Variants in RAB3C observed in about 807,000 individuals in gnomAD.
The protein encoded by RAB3C is ras-related protein Rab-3C.
Under a neutral mutation model 26.4 loss-of-function variants are expected in RAB3C, and 17 were observed. The ratio of observed to expected loss-of-function variants is 0.64; its 90% CI spans 0.44 to 0.97. The LOEUF is 0.97. RAB3C is among the 50% of genes least tolerant of loss of function. The pLI is 0.00. For missense variants in RAB3C, 242 were observed against 281.9 expected (o/e 0.86, Z 1.01); for synonymous variants, 91 against 95.9 (o/e 0.95, Z 0.30).
At chr5:58,738,196 A>C (rs1469738308) in intron 3 of RAB3C, among the ~76,000 whole-genome samples, 1 of 151,926 alleles carries the variant, frequency 6.6e-6, no homozygotes, top group Non-Finnish European at 1.5e-5. Context: ...TCATACCTTC[A>C]TTTGCTGCAC....
At chr5:58,738,519 G>C (rs565317992) in intron 3 of RAB3C, among the ~76,000 whole-genome samples, 14 of 147,530 alleles carry the variant, frequency 9.5e-5, no homozygotes, top group African/African-American at 3.2e-4. Context: ...AGAGAATAGA[G>C]AGAGACACTT....
intron 1 of RAB3C, among the ~76,000 whole-genome samples, chr5:58,597,324 ATT>A: frequency 0.17 from 3 of 18 alleles, no homozygotes; most frequent in African/African-American, 0.5. Context: ...CACAATATAT[ATT>A]ATATAATCAT....
chr5:58,849,242 G>T (rs80031960), intron 4 of RAB3C, among the ~76,000 whole-genome samples: 4,151 of 152,260 alleles, frequency 0.027, 198 homozygotes, highest in African/African-American at 0.095. Context: ...TTGTAAATGA[G>T]ACCTTTGTAC....
At chr5:58,726,903 C>A (rs1197397978) in intron 3 of RAB3C, among the ~76,000 whole-genome samples, 2 of 151,900 alleles carry the variant, frequency 1.3e-5, no homozygotes, top group Non-Finnish European at 2.9e-5. Flanking sequence ...GTCATGAGCT[C>A]AAGCACAGGG....
intron 2 of RAB3C, among the ~76,000 whole-genome samples, chr5:58,703,219 G>A (rs1694706784): frequency 6.6e-6 from 1 of 151,994 alleles, no homozygotes; most frequent in Admixed American, 6.6e-5. Flanking sequence ...TTTCGTTCTT[G>A]TTGCCCAGGC....
chr5:58,738,184 A>G (rs778419310), intron 3 of RAB3C, among the ~76,000 whole-genome samples: 2 of 151,720 alleles, frequency 1.3e-5, no homozygotes, highest in Non-Finnish European at 2.9e-5. Flanking sequence ...TTTTTTTCCC[A>G]CTCATACCTT....
chr5:58,764,112 G>A (rs1161635888), intron 3 of RAB3C, among the ~76,000 whole-genome samples: 1 of 152,120 alleles, frequency 6.6e-6, no homozygotes, highest in Non-Finnish European at 1.5e-5. Flanking sequence ...ATATCTTTTT[G>A]TGGAACTCAA....
At chr5:58,768,558 A>C (rs1329357153) in intron 3 of RAB3C, among the ~76,000 whole-genome samples, 1 of 152,040 alleles carries the variant, frequency 6.6e-6, no homozygotes, top group South Asian at 2.1e-4. Flanking sequence ...CAGCCCAAGG[A>C]CTATTTTAGA....
At chr5:58,757,641 A>G (rs1288218402) in intron 3 of RAB3C, among the ~76,000 whole-genome samples, 1 of 152,200 alleles carries the variant, frequency 6.6e-6, no homozygotes. Context: ...TTAATCAGCC[A>G]TACAAGTGTT....
At chr5:58,723,675 A>G (rs1272082782) in intron 2 of RAB3C, among the ~76,000 whole-genome samples, 2 of 151,788 alleles carry the variant, frequency 1.3e-5, no homozygotes, top group African/African-American at 4.8e-5. Flanking sequence ...TAGTGACCTT[A>G]TGAGACGTTA....
chr5:58,690,336 T>G (rs1298620082), intron 2 of RAB3C, among the ~76,000 whole-genome samples: 1 of 152,176 alleles, frequency 6.6e-6, no homozygotes, highest in Non-Finnish European at 1.5e-5. Context: ...GTTTTAGGCT[T>G]AAAATATTTT....
chr5:58,740,233 GT>G (rs1293056866), intron 3 of RAB3C, among the ~76,000 whole-genome samples: 1 of 152,202 alleles, frequency 6.6e-6, no homozygotes, highest in Non-Finnish European at 1.5e-5. Flanking sequence ...GTTTTGGGCT[GT>G]TGGCAGCATC....
At chr5:58,842,537 C>A (rs1162247185) in intron 4 of RAB3C, among the ~76,000 whole-genome samples, 1 of 152,126 alleles carries the variant, frequency 6.6e-6, no homozygotes, top group Non-Finnish European at 1.5e-5. Flanking sequence ...TGGTACTATG[C>A]CCTATTGTCT....
At chr5:58,757,602 C>T (rs1322814285) in intron 3 of RAB3C, among the ~76,000 whole-genome samples, 2 of 152,248 alleles carry the variant, frequency 1.3e-5, no homozygotes, top group Non-Finnish European at 2.9e-5. Context: ...CACATCACGT[C>T]CATCTGTCCT....
intron 1 of RAB3C, among the ~76,000 whole-genome samples, chr5:58,616,516 G>C (rs1746828383): frequency 6.6e-6 from 1 of 152,070 alleles, no homozygotes; most frequent in African/African-American, 2.4e-5. Flanking sequence ...TATCATTTTT[G>C]ATAGATGTTA....
intron 3 of RAB3C, among the ~76,000 whole-genome samples, chr5:58,738,074 G>T (rs1315293833): frequency 6.6e-6 from 1 of 152,148 alleles, no homozygotes; most frequent in Non-Finnish European, 1.5e-5. Context: ...TGAAAAGAAC[G>T]AAAGATGCCA....
At chr5:58,610,906 C>A (rs1183374206) in intron 1 of RAB3C, among the ~76,000 whole-genome samples, 2 of 152,100 alleles carry the variant, frequency 1.3e-5, no homozygotes, top group Non-Finnish European at 2.9e-5. Context: ...CCCTCCTCCC[C>A]ACCCTTCACT....
At chr5:58,835,299 T>G (rs2112072350) in intron 4 of RAB3C, among the ~76,000 whole-genome samples, 1 of 152,294 alleles carries the variant, frequency 6.6e-6, no homozygotes, top group Admixed American at 6.5e-5. Context: ...TCCACTAATC[T>G]AGGTGTTCTT....
At position 58,660,547 on chromosome 5, in the gene RAB3C, A is replaced by C. The variant is rs566267708; in HGVS notation, c.252+42677A>C. 2.7e-5 allele frequency among the ~76,000 whole-genome samples: 4 copies of C among 150,372 alleles called. No individual in the cohort carries two copies. The East Asian group carries it at 7.7e-4, about 29-fold the overall frequency. Reference sequence around the variant, plus strand: ...ATTTTTTAAGAACAAAAATTTGGCAAATATTCTTTATTTTGATCTGCCAAT... The same window carrying C: ...ATTTTTTAAGAACAAAAATTTGGCACATATTCTTTATTTTGATCTGCCAAT... On this transcript the variant is annotated intron_variant, in intron 2 of 4. Transcript: ENST00000282878.
Sources: allele counts gnomAD v4.1 joint callset (sites outside exome capture counted in the v4.1 genomes callset), GRCh38; gene constraint gnomAD v4.1.1; transcripts MANE v1.5; gene names NCBI Gene and HGNC (gene_info 2026-07-23, HGNC 2026-07-21).